Variants in SHISA6 observed in about 807,000 individuals in gnomAD.
SHISA6 encodes shisa family member 6, also known as protein shisa-6.
A neutral mutation model predicts 47.9 loss-of-function variants in SHISA6; 22 were observed. The observed-to-expected ratio is 0.46, with a 90% CI of 0.33 to 0.66. The LOEUF (loss-of-function observed/expected upper bound fraction) is 0.66, where lower values mean the gene tolerates loss of function less well. Ranked by LOEUF, SHISA6 falls within the 30% of genes least tolerant of loss-of-function variation. The pLI, the probability that SHISA6 is intolerant of heterozygous loss-of-function variation, is 0.02. For synonymous variants in SHISA6, 388 were observed against 337.8 expected, an observed-to-expected ratio of 1.15 and a Z score of -1.63; for missense variants, 680 against 764.6, an observed-to-expected ratio of 0.89 and a Z score of 1.30.
chr17:11,277,555 T>C (rs1177374967), intron 2 of SHISA6, among the ~76,000 whole-genome samples: 1 of 152,218 alleles, frequency 6.6e-6, no homozygotes, highest in Non-Finnish European at 1.5e-5. Flanking sequence ...AGTGACAGAA[T>C]GAATGCCCTT....
At chr17:11,255,924 C>A (rs1028932482) in intron 1 of SHISA6, among the ~76,000 whole-genome samples, 1 of 152,228 alleles carries the variant, frequency 6.6e-6, no homozygotes, top group Non-Finnish European at 1.5e-5. Context: ...TGCCAGGCTC[C>A]TTGTAAGCCT....
At chr17:11,269,406 G>A (rs916605841) in intron 2 of SHISA6, among the ~76,000 whole-genome samples, 2 of 152,158 alleles carry the variant, frequency 1.3e-5, no homozygotes, top group Admixed American at 1.3e-4. Context: ...AGAACTCCAT[G>A]GGTCAGCGCA....
At chr17:11,410,781 A>G (rs555014020) in intron 3 of SHISA6, among the ~76,000 whole-genome samples, 6 of 151,990 alleles carry the variant, frequency 3.9e-5, no homozygotes, top group South Asian at 2.1e-4. Context: ...TAGAAATGCA[A>G]ATTTTCCAGT....
At chr17:11,548,655 G>C (rs1182285878) in intron 3 of SHISA6, among the ~76,000 whole-genome samples, 1 of 152,068 alleles carries the variant, frequency 6.6e-6, no homozygotes. Flanking sequence ...CTAAGGAAAT[G>C]AGACATCGCT....
At chr17:11,315,938 T>C (rs1156369497) in intron 2 of SHISA6, among the ~76,000 whole-genome samples, 1 of 152,196 alleles carries the variant, frequency 6.6e-6, no homozygotes, top group African/African-American at 2.4e-5. Flanking sequence ...TTTTTTATGC[T>C]CTGAAGTGGT....
chr17:11,427,089 C>T (rs1275831262), intron 3 of SHISA6, among the ~76,000 whole-genome samples: 2 of 152,156 alleles, frequency 1.3e-5, no homozygotes, highest in East Asian at 1.9e-4. Context: ...TGGTGCCTTT[C>T]GGTCAGAGAC....
intron 2 of SHISA6, among the ~76,000 whole-genome samples, chr17:11,374,270 C>T (rs1036806502): frequency 1.3e-5 from 2 of 152,032 alleles, no homozygotes; most frequent in Non-Finnish European, 2.9e-5. Context: ...AAGTTATTTA[C>T]GTGCTCTAGA....
chr17:11,374,181 G>C (rs1912715273), intron 2 of SHISA6, among the ~76,000 whole-genome samples: 2 of 151,682 alleles, frequency 1.3e-5, no homozygotes, highest in African/African-American at 4.8e-5. Context: ...TTGCCCTTTG[G>C]GTTTTCTCTC....
chr17:11,345,605 G>C (rs1227158957), intron 2 of SHISA6, among the ~76,000 whole-genome samples: 1 of 152,014 alleles, frequency 6.6e-6, no homozygotes, highest in Non-Finnish European at 1.5e-5. Flanking sequence ...ATCCATGAAC[G>C]TGGGATGTCT....
At chr17:11,497,795 C>T (rs545187968) in intron 3 of SHISA6, among the ~76,000 whole-genome samples, 2 of 152,206 alleles carry the variant, frequency 1.3e-5, no homozygotes, top group East Asian at 1.9e-4. Flanking sequence ...TCGCATCCTA[C>T]GACATCCATT....
At chr17:11,284,106 G>A (rs371848935) in intron 2 of SHISA6, among the ~76,000 whole-genome samples, 7 of 152,036 alleles carry the variant, frequency 4.6e-5, no homozygotes, top group East Asian at 3.9e-4. Flanking sequence ...GTACAAACAC[G>A]TAGGCATGCA....
intron 3 of SHISA6, among the ~76,000 whole-genome samples, chr17:11,385,273 G>A (rs563410639): frequency 8.5e-5 from 13 of 152,274 alleles, no homozygotes; most frequent in South Asian, 2.1e-4. Flanking sequence ...TCCAGGTGAA[G>A]GAACAACTGT....
chr17:11,246,209 C>A (rs537927747), intron 1 of SHISA6, among the ~76,000 whole-genome samples: 1 of 152,036 alleles, frequency 6.6e-6, no homozygotes, highest in Non-Finnish European at 1.5e-5. Flanking sequence ...AAAAATGCTT[C>A]GCCGGGTGCG....
chr17:11,504,723 C>T (rs760400531), intron 3 of SHISA6, among the ~76,000 whole-genome samples: 1 of 152,114 alleles, frequency 6.6e-6, no homozygotes, highest in Admixed American at 6.5e-5. Flanking sequence ...GAATAACACA[C>T]TGATGGGAGA....
chr17:11,477,099 G>A (rs139706216), intron 3 of SHISA6, among the ~76,000 whole-genome samples: 91 of 152,064 alleles, frequency 6.0e-4, no homozygotes, highest in African/African-American at 2.0e-3. Context: ...CTTTTCATTC[G>A]TATTAACATG....
At position 11,311,457 on chromosome 17, in the gene SHISA6, A is replaced by G. The variant is rs548238363; in HGVS notation, c.799+47931A>G. The stretch of plus-strand genomic sequence containing the variant: ...TGGCTATACTAGTAAAATGCATTGG[A>G]AAATGTATTACAAATCTGTTGTAAC... On this transcript the variant is annotated intron_variant, in intron 2 of 5. Coordinates refer to ENST00000441885, the MANE Select transcript of SHISA6 (RefSeq NM_207386.4). 3.9e-5 allele frequency among the ~76,000 whole-genome samples: 6 copies of G among 152,298 alleles called. No individual in the cohort carries two copies. The South Asian group carries it at 1.2e-3, about 32-fold the overall frequency.
chr17:11,428,126 TC>T (rs1914653992), intron 3 of SHISA6, among the ~76,000 whole-genome samples: 2 of 152,192 alleles, frequency 1.3e-5, no homozygotes, highest in African/African-American at 4.8e-5. Flanking sequence ...CTCTCACATC[TC>T]AAGTTCTATT....
intron 3 of SHISA6, among the ~76,000 whole-genome samples, chr17:11,460,961 A>AT (rs1915674679): frequency 1.3e-5 from 2 of 152,200 alleles, no homozygotes; most frequent in East Asian, 1.9e-4. Context: ...ACATAGAGGG[A>AT]TTTTTTTAGC....
intron 3 of SHISA6, among the ~76,000 whole-genome samples, chr17:11,441,940 G>T (rs961834116): frequency 6.6e-6 from 1 of 152,178 alleles, no homozygotes; most frequent in African/African-American, 2.4e-5. Flanking sequence ...GAGGCCCTTT[G>T]TTCCTAACAA....
Sources: allele counts gnomAD v4.1 joint callset (sites outside exome capture counted in the v4.1 genomes callset), GRCh38; gene constraint gnomAD v4.1.1; transcripts MANE v1.5; gene names NCBI Gene and HGNC (gene_info 2026-07-23, HGNC 2026-07-21).